Variants in PPP6R3 observed in about 807,000 individuals in gnomAD.
PPP6R3 encodes the protein serine/threonine-protein phosphatase 6 regulatory subunit 3.
PPP6R3 carries 38 observed loss-of-function variants against 110.7 expected under a neutral mutation model. The ratio of observed to expected loss-of-function variants is 0.34; its 90% CI spans 0.26 to 0.45. The LOEUF (loss-of-function observed/expected upper bound fraction) is 0.45. PPP6R3 is among the 20% of genes least tolerant of loss of function. The pLI is 1.00. For synonymous variants in PPP6R3, 369 were observed against 373.5 expected, an observed-to-expected ratio of 0.99 and a Z score of 0.14; for missense variants, 870 against 1,062.4, an observed-to-expected ratio of 0.82 and a Z score of 2.52.
At chr11:68,477,728 T>TAAAAAAA (rs1181714569) in intron 1 of PPP6R3, among the ~76,000 whole-genome samples, 16 of 77,408 alleles carry the variant, frequency 2.1e-4, no homozygotes, top group African/African-American at 4.7e-4. Context: ...CATTGTCTCT[T>TAAAAAAA]AAAAAAAAAA....
chr11:68,500,544 C>T (rs1408612072), intron 1 of PPP6R3, among the ~76,000 whole-genome samples: 3 of 152,206 alleles, frequency 2.0e-5, no homozygotes, highest in Admixed American at 2.0e-4. Context: ...GTGGTGTGAT[C>T]TTAGCTCACT....
chr11:68,602,181 G>T (rs1044433527), intron 21 of PPP6R3, among the ~76,000 whole-genome samples: 22 of 152,324 alleles, frequency 1.4e-4, no homozygotes, highest in African/African-American at 5.3e-4. Flanking sequence ...TACCAGGCAT[G>T]CAGTGTGCAG....
Position 68,477,736 on chromosome 11 carries a change from AAAAAAATATATAT to A in PPP6R3, c.-158+16911_-158+16923del, listed in dbSNP as rs1268758208. Among the ~76,000 whole-genome samples, 87 of 86,694 alleles carry A rather than the reference AAAAAAATATATAT, an allele frequency of 1.0e-3. 1 individual carries two copies. Among genetic ancestry groups the A allele is most frequent in the African/African-American group, 3.6e-3 (84 of 23,548 alleles). 56.9% of individuals were successfully genotyped at this position (86,694 alleles called of 152,430 possible). On this transcript the variant is annotated intron_variant, in intron 1 of 23. Coordinates refer to ENST00000393800, the MANE Select transcript of PPP6R3 (RefSeq NM_001164161.2). ...AGAGAGACATTGTCTCTTAAAAAAA[AAAAAAATATATAT>A]ATATATATATATATATATATATAAT...
At chr11:68,600,591 C>A (rs2099628841) in intron 20 of PPP6R3, 97 bp downstream of exon 20, 1 of 1,378,544 alleles carries the variant, frequency 7.3e-7, no homozygotes, top group African/African-American at 1.5e-5. Flanking sequence ...TGACTGACTT[C>A]CAAGTTGAAT....
chr11:68,607,535 C>A (rs1012290752), intron 22 of PPP6R3, among the ~76,000 whole-genome samples: 4 of 152,240 alleles, frequency 2.6e-5, no homozygotes, highest in Non-Finnish European at 5.9e-5. Context: ...TTCTTAGGAA[C>A]CCTATAAGAT....
chr11:68,590,136 C>T (rs984112899), intron 16 of PPP6R3, among the ~76,000 whole-genome samples: 2 of 152,192 alleles, frequency 1.3e-5, no homozygotes, highest in African/African-American at 4.8e-5. Flanking sequence ...AAGATAGCCC[C>T]TCCTCTTCAA....
chr11:68,527,374 G>T (rs990605402), intron 2 of PPP6R3, among the ~76,000 whole-genome samples: 3 of 152,096 alleles, frequency 2.0e-5, no homozygotes, highest in Non-Finnish European at 4.4e-5. Flanking sequence ...ATCTGCTCTT[G>T]CAGACTCCAG....
intron 13 of PPP6R3, 87 bp from the exon 14 acceptor site, chr11:68,575,871 G>A (rs966261802): frequency 4.0e-5 from 38 of 940,048 alleles, no homozygotes; most frequent in Middle Eastern, 2.2e-4. Context: ...AGGTGAGTAG[G>A]CCCACTTTTA....
At chr11:68,558,716 T>TC in intron 8 of PPP6R3, 37 bp downstream of exon 8, 1 of 1,485,250 alleles carries the variant, frequency 6.7e-7, no homozygotes. Context: ...TGAACCATGT[T>TC]GTTTTGCTTT....
At chr11:68,594,685 A>C (rs1377659470) in intron 18 of PPP6R3, among the ~76,000 whole-genome samples, 2 of 152,206 alleles carry the variant, frequency 1.3e-5, no homozygotes, top group African/African-American at 2.4e-5. Flanking sequence ...TAGATTCAAC[A>C]CAAACAAAAT....
chr11:68,589,871 A>G (rs571506290), intron 16 of PPP6R3, among the ~76,000 whole-genome samples: 1 of 152,388 alleles, frequency 6.6e-6, no homozygotes, highest in African/African-American at 2.4e-5. Flanking sequence ...GAAGGCTGTT[A>G]CGTGCCTTGA....
chr11:68,609,870 G>T (rs764142101), intron 22 of PPP6R3, 34 bp from the exon 23 acceptor site: 3 of 1,613,120 alleles, frequency 1.9e-6, no homozygotes, highest in Non-Finnish European at 2.5e-6. Flanking sequence ...GGTCCCTAGG[G>T]TGTTTGATGT....
chr11:68,594,289 AGAGGAGAGAG>A, intron 18 of PPP6R3, among the ~76,000 whole-genome samples: 1 of 147,004 alleles, frequency 6.8e-6, no homozygotes, highest in Non-Finnish European at 1.5e-5. Context: ...AGAGAGAGAG[AGAGGAGAGAG>A]GAGAGAGAGA....
chr11:68,534,992 A>G (rs893410201), intron 2 of PPP6R3, among the ~76,000 whole-genome samples: 4 of 152,220 alleles, frequency 2.6e-5, no homozygotes, highest in Non-Finnish European at 5.9e-5. Context: ...TTAGTATCAA[A>G]TGGCATAATA....
chr11:68,491,182 G>C (rs1311055624), intron 1 of PPP6R3, among the ~76,000 whole-genome samples: 1 of 151,890 alleles, frequency 6.6e-6, no homozygotes, highest in African/African-American at 2.4e-5. Context: ...GCGAGATCCT[G>C]TCTCCAAAAA....
At chr11:68,583,823 G>T (rs2099569990) in intron 15 of PPP6R3, among the ~76,000 whole-genome samples, 1 of 152,198 alleles carries the variant, frequency 6.6e-6, no homozygotes, top group South Asian at 2.1e-4. Context: ...GTTGTCCTTA[G>T]CCAGGACCAG....
intron 3 of PPP6R3, among the ~76,000 whole-genome samples, chr11:68,539,839 G>T (rs542054793): frequency 1.6e-4 from 25 of 152,200 alleles, no homozygotes; most frequent in Non-Finnish European, 3.4e-4. Context: ...GGTGGGGTGG[G>T]CAGAGGAGCT....
At position 68,615,032 on chromosome 11, in the gene PPP6R3, A is replaced by G; in HGVS notation, c.*1915A>G. On this transcript the variant is annotated 3_prime_UTR_variant, in exon 24 of 24. Coordinates refer to ENST00000393800, the MANE Select transcript of PPP6R3 (RefSeq NM_001164161.2). ...ATGGACCTGGTGGCTTCTCCATCCT[A>G]CCCAAGGTAACAGTGTCTTGCTTCA... 2 of 500,840 alleles carry G rather than the reference A, an allele frequency of 4.0e-6. No individual in the cohort carries two copies. The highest frequency in any genetic ancestry group is 3.1e-5 in the South Asian group (2 of 64,958). The allele number at this position is 500,840 out of a possible 1,614,324, so 31.0% of individuals were successfully genotyped here. A position where few individuals can be genotyped will look rare whatever the true frequency, so the allele number is the denominator to read the frequency against.
At chr11:68,575,806 G>A in intron 13 of PPP6R3, 152 bp from the exon 14 acceptor site, 1 of 569,774 alleles carries the variant, frequency 1.8e-6, no homozygotes, top group Non-Finnish European at 3.1e-6. Context: ...AAGAGCACTG[G>A]GCTGGCTGTC....
Sources: gnomAD v4.1 joint callset for allele counts (sites outside exome capture counted in the v4.1 genomes callset) on GRCh38, gnomAD v4.1.1 for gene constraint, MANE v1.5 for transcripts, NCBI Gene and HGNC (gene_info 2026-07-23, HGNC 2026-07-21) for gene names.